Variants in DGKK observed in about 807,000 individuals in gnomAD.
DGKK encodes the protein diacylglycerol kinase kappa.
DGKK carries 35 observed loss-of-function variants against 92.2 expected under a neutral mutation model. That is an observed-to-expected ratio of 0.38 (90% CI 0.29 to 0.50). The LOEUF (loss-of-function observed/expected upper bound fraction) is 0.50. DGKK is among the 20% of genes least tolerant of loss of function. DGKK has a pLI of 0.92. For synonymous variants in DGKK, 368 were observed against 360.6 expected (o/e 1.02, Z -0.23); for missense variants, 910 against 992.2 (o/e 0.92, Z 1.11).
intron 1 of DGKK, among the ~76,000 whole-genome samples, chrX:50,464,618 T>G (rs1188381758): frequency 1.8e-5 from 2 of 110,711 alleles, no homozygotes; most frequent in Non-Finnish European, 3.8e-5. Context: ...ATAAAGGTTA[T>G]TATCCTTGGC....
Position 50,470,105 on chromosome X carries a change from C to A in DGKK, c.574G>T (p.Gly192Cys). The A allele has an allele frequency of 8.3e-7, 1 of 1,211,891 alleles. No homozygotes were observed. Among genetic ancestry groups the A allele is most frequent in the Non-Finnish European group, 1.1e-6 (1 of 895,402 alleles). Residue 192 changes from glycine (G) to cysteine (C), a missense_variant, in exon 1 of 28, where the codon GGT (glycine) becomes TGT (cysteine). Coordinates refer to ENST00000611977, the MANE Select transcript of DGKK (RefSeq NM_001013742.4). ...GATGGCGATGGCGAGGTCTTTAGAC[C>A]TCTCTCTCGAGTGTCCACCGGACAT... ...LQCPVDTRER[G>C]LKTSPSPSPS...
At chrX:50,429,977 A>G (rs1925846650) in intron 1 of DGKK, among the ~76,000 whole-genome samples, 2 of 112,388 alleles carry the variant, frequency 1.8e-5, no homozygotes, top group African/African-American at 3.2e-5. Context: ...ATTCTGTCCT[A>G]TGAAAGACAC....
intron 8 of DGKK, among the ~76,000 whole-genome samples, chrX:50,399,128 A>G (rs1188388204): frequency 1.8e-5 from 2 of 112,275 alleles, no homozygotes; most frequent in African/African-American, 3.2e-5. Flanking sequence ...TTATGGGGAC[A>G]TATGAGTATA....
intron 1 of DGKK, among the ~76,000 whole-genome samples, chrX:50,461,861 T>C (rs782144090): frequency 3.6e-5 from 4 of 111,952 alleles, no homozygotes; most frequent in Non-Finnish European, 5.6e-5. Flanking sequence ...TTGCAAATTT[T>C]ATGGATTTGT....
intron 5 of DGKK, among the ~76,000 whole-genome samples, 174 bp from the exon 6 acceptor site, chrX:50,403,771 ATCTTTT>A (rs1194649613): frequency 8.9e-6 from 1 of 111,800 alleles, no homozygotes; most frequent in Non-Finnish European, 1.9e-5. Flanking sequence ...TTACTGGCTA[ATCTTTT>A]TATTATCCAA....
chrX:50,424,398 T>A, intron 1 of DGKK, 40 bp from the exon 2 acceptor site: 2 of 1,087,448 alleles, frequency 1.8e-6, no homozygotes, highest in South Asian at 3.9e-5. Context: ...TTAGATCAAT[T>A]CATAAGGTCA....
At chrX:50,369,126 G>A in intron 27 of DGKK, 107 bp from the exon 28 acceptor site, 2 of 567,366 alleles carry the variant, frequency 3.5e-6, no homozygotes, top group Non-Finnish European at 5.6e-6. Flanking sequence ...AGATAGACTG[G>A]TTTGTTCCTA....
At chrX:50,436,374 C>T (rs1336068616) in intron 1 of DGKK, among the ~76,000 whole-genome samples, 7 of 111,758 alleles carry the variant, frequency 6.3e-5, no homozygotes, top group East Asian at 5.7e-4. Context: ...TTCCCTAATG[C>T]GTTAATAAAT....
intron 8 of DGKK, among the ~76,000 whole-genome samples, chrX:50,397,005 G>C (rs1252149526): frequency 1.8e-5 from 2 of 111,956 alleles, no homozygotes; most frequent in Non-Finnish European, 3.8e-5. Flanking sequence ...AAGTGACCTT[G>C]ACAGGCTGAC....
intron 1 of DGKK, among the ~76,000 whole-genome samples, chrX:50,428,625 A>G (rs1184278158): frequency 1.8e-5 from 2 of 111,923 alleles, no homozygotes; most frequent in African/African-American, 6.5e-5. Flanking sequence ...CTTAGGGGAT[A>G]GGCAAGGGCT....
intron 4 of DGKK, among the ~76,000 whole-genome samples, chrX:50,407,650 C>T (rs191955953): frequency 7.8e-4 from 87 of 111,824 alleles, no homozygotes; most frequent in African/African-American, 2.6e-3. Flanking sequence ...TTAGGGCATC[C>T]ACATATTAAT....
intron 1 of DGKK, among the ~76,000 whole-genome samples, chrX:50,445,123 T>TA (rs1557231668): frequency 2.0e-5 from 1 of 50,041 alleles, no homozygotes; most frequent in African/African-American, 1.0e-4. Context: ...TTTGCCCACT[T>TA]TTTTTTTTTT....
At chrX:50,371,212 T>C (rs73497541) in intron 26 of DGKK, among the ~76,000 whole-genome samples, 16,927 of 111,803 alleles carry the variant, frequency 0.15, 2,987 homozygotes, top group African/African-American at 0.52. Flanking sequence ...AGATTAACTT[T>C]GTTGTCAGAA....
chrX:50,447,343 T>TTA (rs1182539460), intron 1 of DGKK, among the ~76,000 whole-genome samples: 1 of 12,300 alleles, frequency 8.1e-5, no homozygotes, highest in Non-Finnish European at 1.1e-4. Context: ...TATATATATA[T>TTA]TATATATATA....
intron 20 of DGKK, among the ~76,000 whole-genome samples, chrX:50,378,989 A>G (rs2147119277): frequency 8.9e-6 from 1 of 112,038 alleles, no homozygotes; most frequent in South Asian, 3.8e-4. Context: ...TCAGCATCCC[A>G]GGAGATTTTA....
chrX:50,424,394 C>G, intron 1 of DGKK, 36 bp from the exon 2 acceptor site: 1 of 1,126,754 alleles, frequency 8.9e-7, no homozygotes. Context: ...GCAATTAGAT[C>G]AATTCATAAG....
intron 4 of DGKK, among the ~76,000 whole-genome samples, chrX:50,408,961 G>A (rs1925239181): frequency 9.0e-6 from 1 of 111,434 alleles, no homozygotes. Context: ...ATTTGGGGGG[G>A]ACTAGAGGGT....
chrX:50,378,028 G>C, intron 22 of DGKK, 70 bp downstream of exon 22: 3 of 1,108,520 alleles, frequency 2.7e-6, no homozygotes, highest in African/African-American at 1.9e-5. Flanking sequence ...TGCTTGAGTG[G>C]AAATATTCAG....
intron 8 of DGKK, among the ~76,000 whole-genome samples, chrX:50,394,875 A>T (rs782613911): frequency 8.9e-6 from 1 of 111,789 alleles, no homozygotes; most frequent in Non-Finnish European, 1.9e-5. Flanking sequence ...GACATTTGAG[A>T]TGAAACTTGA....
Sources: allele counts gnomAD v4.1 joint callset (sites outside exome capture counted in the v4.1 genomes callset), GRCh38; gene constraint gnomAD v4.1.1; transcripts MANE v1.5; gene names NCBI Gene and HGNC (gene_info 2026-07-23, HGNC 2026-07-21).